Variants in ETF1 observed in about 807,000 individuals in gnomAD.
ETF1 encodes the protein eukaryotic peptide chain release factor subunit 1.
Under a neutral mutation model 55.1 loss-of-function variants are expected in ETF1, and 4 were observed. That is an observed-to-expected ratio of 0.07 (90% CI 0.04 to 0.17). The LOEUF (loss-of-function observed/expected upper bound fraction) is 0.17, where lower values mean the gene tolerates loss of function less well. Ranked by LOEUF, ETF1 falls within the 10% of genes least tolerant of loss-of-function variation. The pLI is 1.00. For missense variants in ETF1, 142 were observed against 523.6 expected (o/e 0.27, Z 7.11); for synonymous variants, 157 against 182.3 (o/e 0.86, Z 1.12).
intron 4 of ETF1, among the ~76,000 whole-genome samples, chr5:138,514,375 G>A (rs947532762): frequency 6.6e-6 from 1 of 152,066 alleles, no homozygotes; most frequent in Non-Finnish European, 1.5e-5. Context: ...GCAACATAGC[G>A]AAACACTGTC....
chr5:138,513,535 A>G, intron 5 of ETF1, 33 bp downstream of exon 5: 2 of 1,539,778 alleles, frequency 1.3e-6, no homozygotes, highest in Non-Finnish European at 1.8e-6. Context: ...CTAGACACAA[A>G]GTAAGTGGGT....
intron 8 of ETF1, 182 bp from the exon 9 acceptor site, chr5:138,510,811 TCA>T (rs1416519495): frequency 1.5e-6 from 1 of 678,686 alleles, no homozygotes; most frequent in African/African-American, 2.0e-5. Flanking sequence ...ATAAGGAACA[TCA>T]GAGATGTTCA....
rs1433980156 is a variant in ETF1 at position 138,506,391 on chromosome 5, C to T, written c.*1914G>A. 6.6e-6 allele frequency: 1 copy of T among 152,632 alleles called. No homozygotes were observed. Among genetic ancestry groups the T allele is most frequent in the Non-Finnish European group, 1.5e-5 (1 of 68,042 alleles). 9.5% of individuals were successfully genotyped at this position (152,632 alleles called of 1,614,324 possible). On this transcript the variant is annotated 3_prime_UTR_variant, in exon 11 of 11. Transcript: ENST00000360541. ...TAAAAACTACAAAAGGAGCTGCATACCCTAAATGTATCATGTGAAACAACA... is the reference window on the plus strand; with the variant it reads ...TAAAAACTACAAAAGGAGCTGCATATCCTAAATGTATCATGTGAAACAACA...
intron 4 of ETF1, among the ~76,000 whole-genome samples, chr5:138,514,472 G>A (rs757888888): frequency 1.3e-5 from 2 of 152,160 alleles, no homozygotes; most frequent in Non-Finnish European, 2.9e-5. Flanking sequence ...TAGTCTGGGA[G>A]GTGTAGGTTG....
intron 8 of ETF1, 55 bp downstream of exon 8, chr5:138,510,990 C>G (rs1436905979): frequency 6.3e-7 from 1 of 1,586,564 alleles, no homozygotes. Flanking sequence ...CAAATCTCCA[C>G]CCCAGGCTTC....
intron 2 of ETF1, among the ~76,000 whole-genome samples, chr5:138,533,425 C>T (rs938874724): frequency 2.0e-5 from 3 of 152,192 alleles, no homozygotes; most frequent in Admixed American, 2.0e-4. Context: ...CAGTGGCTCA[C>T]GCCTGTAATC....
intron 2 of ETF1, chr5:138,519,088 G>T: frequency 1.0e-6 from 1 of 984,804 alleles, no homozygotes; most frequent in Non-Finnish European, 1.2e-6. Flanking sequence ...GAATAGTGAG[G>T]TAAGTTATGT....
chr5:138,515,910 C>T (rs1764998361), intron 4 of ETF1, among the ~76,000 whole-genome samples: 2 of 152,188 alleles, frequency 1.3e-5, no homozygotes, highest in Non-Finnish European at 2.9e-5. Context: ...AAATGGACTT[C>T]CCATCAAGTT....
chr5:138,535,626 C>G (rs967603836), intron 2 of ETF1, among the ~76,000 whole-genome samples: 3 of 150,138 alleles, frequency 2.0e-5, no homozygotes, highest in Non-Finnish European at 4.4e-5. Flanking sequence ...GAGGCTGAGG[C>G]AGGAGAATCG....
intron 2 of ETF1, chr5:138,541,587 G>C: frequency 1.3e-6 from 2 of 1,533,228 alleles, no homozygotes; most frequent in Middle Eastern, 1.7e-4. Context: ...GAAGAGCTTG[G>C]AGGGGCTGTC....
intron 2 of ETF1, chr5:138,541,775 G>C: frequency 4.0e-6 from 1 of 247,568 alleles, no homozygotes; most frequent in Non-Finnish European, 6.8e-6. Context: ...TGGGGGGGGG[G>C]GCACTTCCTG....
At chr5:138,517,976 C>T (rs544746680) in intron 3 of ETF1, 38 of 670,106 alleles carry the variant, frequency 5.7e-5, no homozygotes, top group East Asian at 2.7e-4. Context: ...CCGAGGTAGG[C>T]GGATCACCTG....
At chr5:138,508,999 G>T (rs754752750) in intron 9 of ETF1, 183 bp from the exon 10 acceptor site, 1 of 983,092 alleles carries the variant, frequency 1.0e-6, no homozygotes, top group Non-Finnish European at 1.2e-6. Flanking sequence ...AGAGAAATTC[G>T]GATTATTTCA....
chr5:138,535,874 CAAAAA>C (rs35261297), intron 2 of ETF1, among the ~76,000 whole-genome samples: 18 of 57,844 alleles, frequency 3.1e-4, no homozygotes, highest in Middle Eastern at 0.016. Context: ...GACTCCGCCT[CAAAAA>C]AAAAAAAAAA....
Position 138,507,695 on chromosome 5 carries a change from G to C in ETF1, c.*610C>G, listed in dbSNP as rs1167651316. ...TTGCATCCTTGAAACTGCCAGTCTG[G>C]AGGGGGACGGGGTAGCGTGAGGGAG... On this transcript the variant is annotated 3_prime_UTR_variant, in exon 11 of 11. Transcript: ENST00000360541. The C allele has an allele frequency of 6.5e-6, 1 of 152,778 alleles. No individual in the cohort carries two copies. The allele number at this position is 152,778 out of a possible 1,614,324, so 9.5% of individuals were successfully genotyped here.
At chr5:138,542,541 C>T in intron 2 of ETF1, 6 of 1,121,692 alleles carry the variant, frequency 5.3e-6, no homozygotes, top group Non-Finnish European at 7.1e-6. Flanking sequence ...GAGGGAGGAC[C>T]TGGACTTAAG....
At chr5:138,530,721 G>A (rs1282480553) in intron 2 of ETF1, among the ~76,000 whole-genome samples, 3 of 151,696 alleles carry the variant, frequency 2.0e-5, no homozygotes. Flanking sequence ...TTACAGGCAC[G>A]CGCCACAATG....
At chr5:138,513,858 G>A in intron 4 of ETF1, 152 bp from the exon 5 acceptor site, 1 of 1,090,450 alleles carries the variant, frequency 9.2e-7, no homozygotes, top group African/African-American at 1.6e-5. Flanking sequence ...ATAGACTTCA[G>A]TTATAAACAT....
chr5:138,522,763 T>G (rs1170312282), intron 2 of ETF1, among the ~76,000 whole-genome samples: 1 of 152,168 alleles, frequency 6.6e-6, no homozygotes, highest in Non-Finnish European at 1.5e-5. Flanking sequence ...TCCCAGCATT[T>G]TGGGAGGCTG....
Sources: allele counts gnomAD v4.1 joint callset (sites outside exome capture counted in the v4.1 genomes callset), GRCh38; gene constraint gnomAD v4.1.1; transcripts MANE v1.5; gene names NCBI Gene and HGNC (gene_info 2026-07-23, HGNC 2026-07-21).